LDB2: variants seen among roughly 807,000 people sequenced by gnomAD.
LDB2 encodes the protein LIM domain-binding protein 2.
LDB2 carries 12 observed loss-of-function variants against 44.3 expected under a neutral mutation model. That is an observed-to-expected ratio of 0.27 (90% confidence interval 0.17 to 0.44). The LOEUF (loss-of-function observed/expected upper bound fraction) is 0.44. LDB2 is among the 20% of genes least tolerant of loss of function. The pLI is 1.00. For synonymous variants in LDB2, 164 were observed against 174.8 expected, an observed-to-expected ratio of 0.94 and a Z score of 0.49; for missense variants, 344 against 473.5, an observed-to-expected ratio of 0.73 and a Z score of 2.54.
intron 2 of LDB2, among the ~76,000 whole-genome samples, chr4:16,628,534 T>G (rs1204612356): frequency 6.6e-6 from 1 of 152,118 alleles, no homozygotes; most frequent in South Asian, 2.1e-4. Context: ...TTTTTTTGCC[T>G]GACAAAACAC....
intron 1 of LDB2, among the ~76,000 whole-genome samples, chr4:16,802,178 C>T (rs1341143453): frequency 1.3e-5 from 2 of 152,188 alleles, no homozygotes; most frequent in African/African-American, 4.8e-5. Flanking sequence ...CGCCCATCCT[C>T]TTTGTGGTGA....
At chr4:16,777,939 G>A (rs1456968764) in intron 1 of LDB2, among the ~76,000 whole-genome samples, 1 of 152,164 alleles carries the variant, frequency 6.6e-6, no homozygotes, top group Non-Finnish European at 1.5e-5. Flanking sequence ...TATTGCTGGT[G>A]TAGCTTTCCT....
intron 2 of LDB2, among the ~76,000 whole-genome samples, chr4:16,630,826 C>A (rs1427511363): frequency 1.3e-5 from 2 of 152,006 alleles, no homozygotes; most frequent in African/African-American, 4.8e-5. Context: ...CAACAAAGAT[C>A]AAAAGAGACA....
At chr4:16,721,561 G>C (rs1203508885) in intron 2 of LDB2, among the ~76,000 whole-genome samples, 1 of 151,994 alleles carries the variant, frequency 6.6e-6, no homozygotes, top group African/African-American at 2.4e-5. Context: ...CTAAAATTCA[G>C]ATCATCCAAC....
chr4:16,888,777 T>C (rs1308064847), intron 1 of LDB2: 3 of 888,614 alleles, frequency 3.4e-6, no homozygotes, highest in Non-Finnish European at 4.0e-6. Context: ...TACCAGGCAT[T>C]ATACATGCAT....
chr4:16,538,974 C>CTCAAG (rs1448475487), intron 5 of LDB2, among the ~76,000 whole-genome samples: 4 of 152,170 alleles, frequency 2.6e-5, no homozygotes, highest in Non-Finnish European at 5.9e-5. Context: ...TTAATGCATC[C>CTCAAG]TCAAGTCCTG....
chr4:16,613,911 A>G (rs1469053945), intron 2 of LDB2, among the ~76,000 whole-genome samples: 2 of 152,246 alleles, frequency 1.3e-5, no homozygotes, highest in African/African-American at 2.4e-5. Context: ...GAATTAGAAA[A>G]AAACTATTTT....
At chr4:16,792,611 C>A (rs1179716744) in intron 1 of LDB2, among the ~76,000 whole-genome samples, 1 of 152,178 alleles carries the variant, frequency 6.6e-6, no homozygotes. Flanking sequence ...TCGAAAGATG[C>A]ATCATGGTTA....
chr4:16,664,927 A>G (rs915488663), intron 2 of LDB2, among the ~76,000 whole-genome samples: 1 of 152,236 alleles, frequency 6.6e-6, no homozygotes, highest in African/African-American at 2.4e-5. Context: ...CAAAGCTCCT[A>G]TGGAAGGACA....
At chr4:16,511,350 A>G (rs1721659574) in intron 6 of LDB2, among the ~76,000 whole-genome samples, 1 of 152,200 alleles carries the variant, frequency 6.6e-6, no homozygotes, top group South Asian at 2.1e-4. Context: ...GAACCCCAGC[A>G]GGAGACTATA....
chr4:16,741,102 G>A (rs1236159678), intron 2 of LDB2, among the ~76,000 whole-genome samples: 1 of 152,190 alleles, frequency 6.6e-6, no homozygotes, highest in East Asian at 1.9e-4. Flanking sequence ...CTTCTGATTT[G>A]TATACACAGA....
intron 1 of LDB2, among the ~76,000 whole-genome samples, chr4:16,803,242 A>G (rs1183595468): frequency 6.6e-6 from 1 of 152,174 alleles, no homozygotes; most frequent in Non-Finnish European, 1.5e-5. Flanking sequence ...TTTCAGTTTA[A>G]AAGTCTTTAA....
rs932321296 is a variant in LDB2 at position 16,542,110 on chromosome 4, G to T, written c.616-30006C>A. Among the ~76,000 whole-genome samples, 16 of 143,990 alleles carry T rather than the reference G, an allele frequency of 1.1e-4. 1 individual carries two copies. The highest frequency in any genetic ancestry group is 2.1e-4 in the Non-Finnish European group (14 of 66,524). 94.5% of individuals were successfully genotyped at this position (143,990 alleles called of 152,430 possible). On this transcript the variant is annotated intron_variant, in intron 5 of 7. Transcript: ENST00000304523. ...CAATTACATCAGGTGGTGGGGGGGG[G>T]GGCGCGAGCAGGAGGGCATAAGAAG... is the stretch of plus-strand genomic sequence containing the variant.
intron 2 of LDB2, among the ~76,000 whole-genome samples, chr4:16,657,306 C>T (rs1358390580): frequency 6.6e-6 from 1 of 152,180 alleles, no homozygotes; most frequent in African/African-American, 2.4e-5. Flanking sequence ...AATACTCAAG[C>T]TTCGAATATG....
intron 1 of LDB2, among the ~76,000 whole-genome samples, chr4:16,847,613 G>GTTTA (rs34253901): frequency 0.38 from 57,015 of 152,036 alleles, 10,804 homozygotes; most frequent in East Asian, 0.56. Context: ...TTGTTTGTTT[G>GTTTA]TTTGTTTGTT....
intron 2 of LDB2, among the ~76,000 whole-genome samples, chr4:16,645,926 G>A (rs1736673754): frequency 6.6e-6 from 1 of 152,212 alleles, no homozygotes; most frequent in Non-Finnish European, 1.5e-5. Flanking sequence ...GCCATTCCGG[G>A]TGGCTGGCAG....
At chr4:16,868,864 G>C (rs1387742985) in intron 1 of LDB2, among the ~76,000 whole-genome samples, 1 of 152,136 alleles carries the variant, frequency 6.6e-6, no homozygotes, top group Non-Finnish European at 1.5e-5. Context: ...TGATGATGCT[G>C]TTGACAATGA....
intron 1 of LDB2, among the ~76,000 whole-genome samples, chr4:16,772,729 C>G (rs543069905): frequency 1.3e-3 from 195 of 152,096 alleles, no homozygotes; most frequent in Non-Finnish European, 2.3e-3. Flanking sequence ...TAGAAAAAAA[C>G]ACACACACAA....
intron 6 of LDB2, among the ~76,000 whole-genome samples, chr4:16,511,692 C>T (rs921454614): frequency 1.3e-5 from 2 of 152,200 alleles, no homozygotes; most frequent in Non-Finnish European, 2.9e-5. Context: ...GAACCCCTGG[C>T]TCTGATCTCA....
Sources: allele counts gnomAD v4.1 joint callset (sites outside exome capture counted in the v4.1 genomes callset), GRCh38; gene constraint gnomAD v4.1.1; transcripts MANE v1.5; gene names NCBI Gene and HGNC (gene_info 2026-07-23, HGNC 2026-07-21).